The following DGKB variants were observed in gnomAD, a reference collection of about 807,000 sequenced individuals.
DGKB encodes the protein diacylglycerol kinase beta, also known as 90 kDa diacylglycerol kinase.
A neutral mutation model predicts 114.3 loss-of-function variants in DGKB; 67 were observed. The ratio of observed to expected loss-of-function variants is 0.59; its 90% CI spans 0.48 to 0.72. The LOEUF (loss-of-function observed/expected upper bound fraction) is 0.72. Ranked by LOEUF, DGKB falls within the 30% of genes least tolerant of loss-of-function variation. The probability of loss-of-function intolerance (pLI) is 0.00; values close to 1 mark genes in which losing one functional copy is unlikely to be tolerated. For missense variants in DGKB, 907 were observed against 975.2 expected (o/e 0.93, Z 0.93); for synonymous variants, 398 against 323.1 (o/e 1.23, Z -2.49).
intron 23 of DGKB, among the ~76,000 whole-genome samples, chr7:14,335,759 TG>T (rs555194980): frequency 1.5e-3 from 230 of 152,330 alleles, no homozygotes; most frequent in African/African-American, 5.3e-3. Flanking sequence ...TGTTTTGTTT[TG>T]TTTTTTTTAA....
chr7:14,585,804 A>G (rs1198999901), intron 17 of DGKB, among the ~76,000 whole-genome samples: 2 of 152,000 alleles, frequency 1.3e-5, no homozygotes, highest in East Asian at 3.9e-4. Flanking sequence ...CTTTTTCATT[A>G]TTATTATATC....
At chr7:14,592,381 G>C (rs996815091) in intron 17 of DGKB, among the ~76,000 whole-genome samples, 1 of 151,880 alleles carries the variant, frequency 6.6e-6, no homozygotes, top group Non-Finnish European at 1.5e-5. Context: ...AGCATTTAGA[G>C]ACAGAAAGAA....
intron 25 of DGKB, among the ~76,000 whole-genome samples, chr7:14,163,290 A>G (rs1306045877): frequency 1.3e-5 from 2 of 152,100 alleles, no homozygotes; most frequent in African/African-American, 4.8e-5. Flanking sequence ...ACATCTTAAC[A>G]TTGTTGCTTG....
chr7:14,219,773 T>C (rs2128320920), intron 23 of DGKB, among the ~76,000 whole-genome samples: 1 of 151,880 alleles, frequency 6.6e-6, no homozygotes, highest in East Asian at 1.9e-4. Context: ...GTTTTAAATT[T>C]TGATGAAGTC....
chr7:14,249,895 T>C (rs1237804617), intron 23 of DGKB, among the ~76,000 whole-genome samples: 1 of 152,026 alleles, frequency 6.6e-6, no homozygotes, highest in Non-Finnish European at 1.5e-5. Flanking sequence ...GCTCCTCATT[T>C]TTTAGCTTCT....
rs557618002 is a variant in DGKB, at chr7:14,339,438, T to TAA, written c.1927-730_1927-729dup. 2.6e-3 allele frequency among the ~76,000 whole-genome samples: 397 copies of TAA among 150,852 alleles called. 1 individual carries two copies. The highest frequency in any genetic ancestry group is 8.0e-3 in the African/African-American group (330 of 41,210). ...ACTTTATAGCTGCTGCAAAAATGGT[T>TAA]AAAAAAAAACCAAGGTTAATCAGCC... On this transcript the variant is annotated intron_variant, in intron 22 of 25. Coordinates refer to ENST00000402815, the MANE Select transcript of DGKB (RefSeq NM_001350709.2).
chr7:14,574,867 T>C (rs967679525), intron 19 of DGKB, among the ~76,000 whole-genome samples: 5 of 152,212 alleles, frequency 3.3e-5, no homozygotes, highest in Admixed American at 6.5e-5. Context: ...GGTCCTACTT[T>C]TTGTAAGCTT....
intron 1 of DGKB, among the ~76,000 whole-genome samples, chr7:14,934,846 T>C (rs537535138): frequency 6.6e-6 from 1 of 152,316 alleles, no homozygotes; most frequent in South Asian, 2.1e-4. Flanking sequence ...TTGACATCTG[T>C]CCAAGTTTTT....
chr7:14,904,438 G>A (rs182624169), upstream of DGKB, among the ~76,000 whole-genome samples: 1,263 of 152,216 alleles, frequency 8.3e-3, 28 homozygotes, highest in African/African-American at 0.029. Flanking sequence ...ATTAAACAGA[G>A]GGGGAACACG....
At chr7:14,569,576 A>G (rs949890560) in intron 20 of DGKB, among the ~76,000 whole-genome samples, 3 of 152,108 alleles carry the variant, frequency 2.0e-5, no homozygotes, top group Admixed American at 6.5e-5. Flanking sequence ...CTAAGTTCCA[A>G]TATGTGTCTC....
Position 14,611,196 on chromosome 7 carries a change from T to C in DGKB, c.1358+2144A>G, listed in dbSNP as rs117258530. On this transcript the variant is annotated intron_variant, in intron 16 of 25. Coordinates refer to ENST00000402815, the MANE Select transcript of DGKB (RefSeq NM_001350709.2). Reference sequence around the variant, plus strand: ...AGTTATCTCCTTCTCTGAACTTTGATAGCACTTTTATCTTAAACATTTCTA... The same window carrying C: ...AGTTATCTCCTTCTCTGAACTTTGACAGCACTTTTATCTTAAACATTTCTA... Among the ~76,000 whole-genome samples the C allele has an allele frequency of 2.1e-3, 320 of 152,256 alleles. 5 individuals carry two copies. The East Asian group carries it at 0.048, about 23-fold the overall frequency.
intron 20 of DGKB, among the ~76,000 whole-genome samples, chr7:14,489,898 G>T (rs1355936884): frequency 6.6e-6 from 1 of 152,074 alleles, no homozygotes; most frequent in African/African-American, 2.4e-5. Context: ...TGAGGCTAAG[G>T]GGTCCCTTGA....
chr7:14,865,038 T>A (rs928340144), intron 1 of DGKB, among the ~76,000 whole-genome samples: 1 of 152,030 alleles, frequency 6.6e-6, no homozygotes, highest in Non-Finnish European at 1.5e-5. Flanking sequence ...AGATGAGGGA[T>A]GAAGAGGAAA....
At chr7:14,519,342 A>T (rs10274270) in intron 20 of DGKB, among the ~76,000 whole-genome samples, 66,011 of 151,916 alleles carry the variant, frequency 0.43, 15,167 homozygotes, top group East Asian at 0.72. Context: ...TAAATGGAAC[A>T]TACATGCAAT....
At chr7:14,539,851 C>T (rs187056635) in intron 20 of DGKB, among the ~76,000 whole-genome samples, 1 of 152,080 alleles carries the variant, frequency 6.6e-6, no homozygotes, top group African/African-American at 2.4e-5. Flanking sequence ...CAGGGGTAAC[C>T]ACTTCAGGGT....
chr7:14,243,097 G>A (rs6954871), intron 23 of DGKB, among the ~76,000 whole-genome samples: 76,788 of 151,624 alleles, frequency 0.51, 19,690 homozygotes, highest in African/African-American at 0.55. Context: ...AGGAAATGCT[G>A]TAAGCCTATT....
chr7:14,346,476 A>G (rs1812496649), intron 21 of DGKB, among the ~76,000 whole-genome samples: 1 of 151,958 alleles, frequency 6.6e-6, no homozygotes, highest in Non-Finnish European at 1.5e-5. Flanking sequence ...TGCTTAAAAA[A>G]TTCACAATCC....
intron 2 of DGKB, among the ~76,000 whole-genome samples, chr7:14,769,226 G>GAA (rs1562488408): frequency 5.1e-4 from 70 of 137,624 alleles, no homozygotes; most frequent in Middle Eastern, 3.7e-3. Context: ...GAGAAAGAGA[G>GAA]AGAGAAAGAA....
chr7:14,824,059 G>A (rs1025192650), intron 2 of DGKB, among the ~76,000 whole-genome samples: 4 of 152,126 alleles, frequency 2.6e-5, no homozygotes, highest in African/African-American at 9.7e-5. Flanking sequence ...GCGAGCTTGT[G>A]TAGGGGAACT....
Sources: gnomAD v4.1 joint callset for allele counts (sites outside exome capture counted in the v4.1 genomes callset) on GRCh38, gnomAD v4.1.1 for gene constraint, MANE v1.5 for transcripts, NCBI Gene and HGNC (gene_info 2026-07-23, HGNC 2026-07-21) for gene names.